LRRTM3: variants seen among roughly 807,000 people sequenced by gnomAD.
LRRTM3 encodes leucine-rich repeat transmembrane neuronal protein 3.
LRRTM3 carries 24 observed loss-of-function variants against 44.7 expected under a neutral mutation model. That is an observed-to-expected ratio of 0.54 (90% CI 0.39 to 0.76). The LOEUF is 0.76. Ranked by LOEUF, LRRTM3 falls within the 30% of genes least tolerant of loss-of-function variation. The pLI, the probability that LRRTM3 is intolerant of heterozygous loss-of-function variation, is 0.00. For synonymous variants in LRRTM3, 277 were observed against 278.7 expected (o/e 0.99, Z 0.06); for missense variants, 587 against 702.2 (o/e 0.84, Z 1.85).
At chr10:67,045,391 T>G (rs1854664605) in intron 2 of LRRTM3, among the ~76,000 whole-genome samples, 1 of 152,118 alleles carries the variant, frequency 6.6e-6, no homozygotes, top group Admixed American at 6.5e-5. Flanking sequence ...TAAAAAAAAT[T>G]TATTCATTTT....
chr10:66,980,323 A>G (rs1242045346), intron 2 of LRRTM3, among the ~76,000 whole-genome samples: 2 of 152,138 alleles, frequency 1.3e-5, no homozygotes, highest in Admixed American at 1.3e-4. Context: ...TCAGCAGCCA[A>G]ACACTAGGGC....
At chr10:67,075,543 T>C (rs1856704908) in intron 2 of LRRTM3, among the ~76,000 whole-genome samples, 1 of 152,196 alleles carries the variant, frequency 6.6e-6, no homozygotes, top group Admixed American at 6.5e-5. Flanking sequence ...ACTACATACT[T>C]GCAGTTCTGC....
intron 2 of LRRTM3, among the ~76,000 whole-genome samples, chr10:67,067,300 C>A (rs368383597): frequency 1.3e-5 from 2 of 151,512 alleles, no homozygotes; most frequent in Non-Finnish European, 2.9e-5. Context: ...TCAGTAACCA[C>A]TTTAATACTG....
rs750788228 is a variant in LRRTM3, at chr10:66,927,625, C to A, written c.709C>A (p.Gln237Lys). Residue 237 changes from glutamine (Q) to lysine (K), a missense_variant, in exon 2 of 3, where the codon CAG (glutamine) becomes AAG (lysine). Coordinates refer to ENST00000361320, the MANE Select transcript of LRRTM3 (RefSeq NM_178011.5). The surrounding 1 kb of genome is among the most constrained non-coding windows in gnomAD (Gnocchi z 4.7). ...GGTCAGCCTTCAGAACCTTTACTTG[C>A]AGTGGAATAAAATCAGTGTCATAGG... ...RLVSLQNLYLQWNKISVIGQT... is the reference protein window; with the variant it reads ...RLVSLQNLYLKWNKISVIGQT... The A allele has an allele frequency of 1.2e-6, 2 of 1,614,180 alleles. No homozygotes were observed. Among genetic ancestry groups the A allele is most frequent in the South Asian group, 2.2e-5 (2 of 91,088 alleles).
chr10:67,052,034 C>T (rs1224196698), intron 2 of LRRTM3, among the ~76,000 whole-genome samples: 2 of 152,120 alleles, frequency 1.3e-5, no homozygotes, highest in South Asian at 4.1e-4. Context: ...GGATTACAGG[C>T]GTGAGCCACC....
At position 67,097,593 on chromosome 10, in the gene LRRTM3, T is replaced by C; in HGVS notation, c.1543T>C (p.Leu515=). 1 of 1,612,140 alleles carries C rather than the reference T, an allele frequency of 6.2e-7. No homozygotes were observed. Among genetic ancestry groups the C allele is most frequent in the South Asian group, 1.1e-5 (1 of 91,050 alleles). ...KSGSRECEIP[L]SMNVSTFLAY... Reference sequence around the variant, plus strand: ...TCATGTCATTTTTCCCCAGATACCTTTATCAATGAATGTGTCAACCTTTCT... The same window carrying C: ...TCATGTCATTTTTCCCCAGATACCTCTATCAATGAATGTGTCAACCTTTCT... Residue 515 remains leucine (L), a synonymous_variant, in exon 3 of 3, where the codon TTA becomes CTA. Coordinates refer to ENST00000361320, the MANE Select transcript of LRRTM3 (RefSeq NM_178011.5).
chr10:67,066,859 CTTTAA>C (rs1200364775), intron 2 of LRRTM3, among the ~76,000 whole-genome samples: 5 of 152,074 alleles, frequency 3.3e-5, no homozygotes, highest in Non-Finnish European at 1.5e-5. Flanking sequence ...AAAAATCTGC[CTTTAA>C]TTTAATTTTA....
intron 2 of LRRTM3, among the ~76,000 whole-genome samples, chr10:67,070,760 G>A (rs1419719825): frequency 6.6e-6 from 1 of 151,476 alleles, no homozygotes; most frequent in Non-Finnish European, 1.5e-5. Flanking sequence ...AAAAAAGAAA[G>A]AAAAGAAAAA....
chr10:67,056,642 C>T (rs1328088930), intron 2 of LRRTM3, among the ~76,000 whole-genome samples: 4 of 151,882 alleles, frequency 2.6e-5, no homozygotes, highest in East Asian at 1.9e-4. Context: ...AATTAAGTGG[C>T]GACAGAAAAA....
chr10:67,035,074 C>T (rs1360126548), intron 2 of LRRTM3, among the ~76,000 whole-genome samples: 2 of 152,128 alleles, frequency 1.3e-5, no homozygotes, highest in Non-Finnish European at 2.9e-5. Context: ...CTGATAGCTC[C>T]GCATAGCCCA....
chr10:66,938,558 G>A (rs1847840411), intron 2 of LRRTM3, among the ~76,000 whole-genome samples: 1 of 152,142 alleles, frequency 6.6e-6, no homozygotes, highest in Non-Finnish European at 1.5e-5. Flanking sequence ...GTAGGCTGAG[G>A]AGGAGATAGA....
rs531306277 is a variant in LRRTM3, at chr10:66,932,256, A to C, written c.1536+3804A>C. Among the ~76,000 whole-genome samples the C allele has an allele frequency of 7.2e-5, 11 of 152,296 alleles. No individual in the cohort carries two copies. The South Asian group carries it at 2.3e-3, about 32-fold the overall frequency. On this transcript the variant is annotated intron_variant, in intron 2 of 2. Coordinates refer to ENST00000361320, the MANE Select transcript of LRRTM3 (RefSeq NM_178011.5). ...GCAGAGTCAGATTCATGGATTTGGC[A>C]AGAGGTTTTAGGATGCTGTAGGTGC...
At chr10:67,091,058 G>T (rs1857599992) in intron 2 of LRRTM3, among the ~76,000 whole-genome samples, 1 of 151,938 alleles carries the variant, frequency 6.6e-6, no homozygotes, top group South Asian at 2.1e-4. Flanking sequence ...TAATACCAAA[G>T]GGACAGCTTT....
intron 2 of LRRTM3, among the ~76,000 whole-genome samples, chr10:66,943,682 TAC>T (rs1394736189): frequency 1.3e-5 from 2 of 152,174 alleles, no homozygotes; most frequent in Non-Finnish European, 2.9e-5. Context: ...TGTACTTTTG[TAC>T]AGCAGGGGAA....
At chr10:67,087,597 T>TA (rs1329055839) in intron 2 of LRRTM3, among the ~76,000 whole-genome samples, 1 of 151,878 alleles carries the variant, frequency 6.6e-6, no homozygotes, top group African/African-American at 2.4e-5. Context: ...TAAAATCAAA[T>TA]AAAAAATAAA....
At chr10:66,949,587 G>A (rs1387097488) in intron 2 of LRRTM3, among the ~76,000 whole-genome samples, 2 of 151,474 alleles carry the variant, frequency 1.3e-5, no homozygotes, top group African/African-American at 4.8e-5. Context: ...AGTCACTATG[G>A]CCAATATGAA....
intron 2 of LRRTM3, among the ~76,000 whole-genome samples, chr10:66,989,165 C>A (rs1004797555): frequency 6.6e-6 from 1 of 152,046 alleles, no homozygotes; most frequent in Non-Finnish European, 1.5e-5. Context: ...GGAGTAAAAT[C>A]TTTTTGAAGG....
rs766267799 is a variant in LRRTM3, at chr10:67,097,575, AT to A, written c.1537-7del. ...TTTTATAACTGACTTTTCTCATGTC[AT>A]TTTTCCCCAGATACCTTTATCAATG... On this transcript the variant is annotated splice_polypyrimidine_tract_variant and intron_variant, in intron 2 of 2. Coordinates refer to ENST00000361320, the MANE Select transcript of LRRTM3 (RefSeq NM_178011.5). 7 of 1,610,510 alleles carry A rather than the reference AT, an allele frequency of 4.3e-6. No individual in the cohort carries two copies.
intron 2 of LRRTM3, among the ~76,000 whole-genome samples, chr10:66,961,270 A>T (rs1267007651): frequency 6.6e-6 from 1 of 151,908 alleles, no homozygotes; most frequent in Non-Finnish European, 1.5e-5. Flanking sequence ...TCTCTCTCTT[A>T]CTCACTCCAA....
Sources: allele counts gnomAD v4.1 joint callset (sites outside exome capture counted in the v4.1 genomes callset), GRCh38; gene constraint gnomAD v4.1.1; non-coding constraint Gnocchi (gnomAD v3.1); transcripts MANE v1.5; gene names NCBI Gene and HGNC (gene_info 2026-07-23, HGNC 2026-07-21).